The following ENKUR variants were observed in gnomAD, a reference collection of about 807,000 sequenced individuals.
The protein encoded by ENKUR is enkurin, TRPC channel interacting protein.
ENKUR carries 19 observed loss-of-function variants against 27.6 expected under a neutral mutation model. The observed-to-expected ratio is 0.69, with a 90% CI of 0.48 to 1.01. ENKUR has a LOEUF of 1.01. ENKUR is among the 50% of genes least tolerant of loss of function. The pLI, the probability that ENKUR is intolerant of heterozygous loss-of-function variation, is 0.00. For synonymous variants in ENKUR, 117 were observed against 96.9 expected, an observed-to-expected ratio of 1.21 and a Z score of -1.22; for missense variants, 312 against 310.5, an observed-to-expected ratio of 1.00 and a Z score of -0.04.
intron 2 of ENKUR, among the ~76,000 whole-genome samples, chr10:25,060,126 TGTCTGTAC>T (rs763644528): frequency 3.3e-5 from 5 of 152,180 alleles, no homozygotes; most frequent in Non-Finnish European, 7.3e-5. Context: ...GAAGCCGACC[TGTCTGTAC>T]GTCTGTACAA....
intron 2 of ENKUR, among the ~76,000 whole-genome samples, chr10:25,035,544 A>G (rs971910168): frequency 2.0e-5 from 3 of 150,440 alleles, no homozygotes; most frequent in African/African-American, 7.3e-5. Flanking sequence ...AACAAGAGCT[A>G]AACTCTGTCT....
At chr10:25,022,773 T>C (rs1156229736) in intron 2 of ENKUR, among the ~76,000 whole-genome samples, 1 of 152,200 alleles carries the variant, frequency 6.6e-6, no homozygotes, top group Non-Finnish European at 1.5e-5. Flanking sequence ...CCAAATCATC[T>C]TTATATGTGA....
At chr10:25,015,717 C>G (rs1850553104) in intron 1 of ENKUR, 143 bp downstream of exon 1, 1 of 737,030 alleles carries the variant, frequency 1.4e-6, no homozygotes, top group African/African-American at 1.8e-5. Flanking sequence ...GACCTTTTCT[C>G]TAACAAGTTA....
At chr10:25,050,149 G>A (rs1299299081) in intron 2 of ENKUR, among the ~76,000 whole-genome samples, 1 of 152,128 alleles carries the variant, frequency 6.6e-6, no homozygotes, top group Admixed American at 6.6e-5. Flanking sequence ...TCACCAAGGG[G>A]ATGGTGCCAA....
chr10:24,999,355 C>A, intron 2 of ENKUR, 46 bp downstream of exon 2: 1 of 1,537,698 alleles, frequency 6.5e-7, no homozygotes, highest in Non-Finnish European at 8.8e-7. Flanking sequence ...AGTTAAATCA[C>A]CTGCTAATGC....
Position 25,027,356 on chromosome 10 carries a change from T to TAAAAA in ENKUR, c.38-31488_38-31487insTTTTT, listed in dbSNP as rs1564352066. 5.1e-3 allele frequency among the ~76,000 whole-genome samples: 234 copies of TAAAAA among 45,710 alleles called. 30 individuals carry two copies. The highest frequency in any genetic ancestry group is 0.03 in the Middle Eastern group (2 of 66). 30.0% of individuals were successfully genotyped at this position (45,710 alleles called of 152,430 possible). A position where few individuals can be genotyped will look rare whatever the true frequency, so the allele number is the denominator to read the frequency against. On this transcript the variant is annotated intron_variant, in intron 2 of 5. Transcript: ENST00000615958. ...TGGGTGACAGAGCAAGACTCCCGTC[T>TAAAAA]CAAAAAAAAAAAAAAAAAAAAAAAA...
chr10:24,988,375 TG>T (rs1480293767), intron 4 of ENKUR, among the ~76,000 whole-genome samples: 3 of 145,600 alleles, frequency 2.1e-5, no homozygotes, highest in Non-Finnish European at 3.0e-5. Flanking sequence ...TATTTATATA[TG>T]TATATATGTG....
intron 2 of ENKUR, chr10:25,024,504 T>G: frequency 6.2e-7 from 1 of 1,614,076 alleles, no homozygotes. Flanking sequence ...AGAGAGAAAA[T>G]GGATGGGCAG....
At chr10:25,049,040 T>A (rs954379782) in intron 2 of ENKUR, among the ~76,000 whole-genome samples, 35 of 152,146 alleles carry the variant, frequency 2.3e-4, no homozygotes, top group African/African-American at 8.2e-4. Context: ...TCGTGATGCC[T>A]TTATTTTAAC....
At chr10:25,029,742 C>T (rs1850913576) in intron 2 of ENKUR, among the ~76,000 whole-genome samples, 1 of 152,130 alleles carries the variant, frequency 6.6e-6, no homozygotes. Context: ...CAAACAGTCT[C>T]CTTCAAAAAC....
At chr10:25,045,314 T>C (rs561456270) in intron 2 of ENKUR, among the ~76,000 whole-genome samples, 1 of 152,332 alleles carries the variant, frequency 6.6e-6, no homozygotes, top group Non-Finnish European at 1.5e-5. Context: ...ATATGACCCA[T>C]ACTGCCCTAT....
At chr10:25,012,554 G>C (rs1262104139) in intron 1 of ENKUR, among the ~76,000 whole-genome samples, 1 of 152,204 alleles carries the variant, frequency 6.6e-6, no homozygotes, top group African/African-American at 2.4e-5. Flanking sequence ...AGTCAAAGGA[G>C]ATCATTTTGG....
chr10:25,041,327 C>T (rs1851062175), intron 2 of ENKUR, among the ~76,000 whole-genome samples: 1 of 152,066 alleles, frequency 6.6e-6, no homozygotes, highest in African/African-American at 2.4e-5. Flanking sequence ...GTTTTCTGTG[C>T]CTTCTTTTCA....
At position 25,016,101 on chromosome 10, in the gene ENKUR, CCT is replaced by C; in HGVS notation, c.-167_-166del. On this transcript the variant is annotated 5_prime_UTR_variant, in exon 1 of 6. Coordinates refer to ENST00000331161, the MANE Select transcript of ENKUR (RefSeq NM_145010.4). ...CCCCCTTTAACCCCCTCTTAGCAGT[CCT>C]CTCTCGGGAAGAAAACACCCTATTT... 2 of 1,300,972 alleles carry C rather than the reference CCT, an allele frequency of 1.5e-6. No individual in the cohort carries two copies. Among genetic ancestry groups the C allele is most frequent in the Non-Finnish European group, 2.0e-6 (2 of 1,021,796 alleles). 80.6% of individuals were successfully genotyped at this position (1,300,972 alleles called of 1,614,324 possible). A position where few individuals can be genotyped will look rare whatever the true frequency, so the allele number is the denominator to read the frequency against.
At chr10:25,040,886 A>G (rs1851056846) in intron 2 of ENKUR, among the ~76,000 whole-genome samples, 1 of 152,232 alleles carries the variant, frequency 6.6e-6, no homozygotes, top group Non-Finnish European at 1.5e-5. Context: ...TCAGAAACAT[A>G]CATAAGTGCA....
At position 25,001,967 on chromosome 10, in the gene ENKUR, CTTCTTT is replaced by C. The variant is rs1461740316; in HGVS notation, c.78-2427_78-2422del. On this transcript the variant is annotated intron_variant, in intron 1 of 5. Transcript: ENST00000331161. ...ACATTGTTTGTTGCTGAATTTTTCTCTTCTTTTTCTCTTTCTGGTGTTCTTTAAATT... is the reference window on the plus strand; with the variant it reads ...ACATTGTTTGTTGCTGAATTTTTCTCTTCTCTTTCTGGTGTTCTTTAAATT... Among the ~76,000 whole-genome samples the C allele has an allele frequency of 2.6e-5, 4 of 152,208 alleles. No homozygotes were observed. In the South Asian group the frequency reaches 8.3e-4, roughly 32 times the overall value.
chr10:25,021,672 ACTAGT>A (rs1201739018), intron 2 of ENKUR: 2 of 152,164 alleles, frequency 1.3e-5, no homozygotes, highest in African/African-American at 4.8e-5. Flanking sequence ...CAAATAATAG[ACTAGT>A]CTATGTGTAG....
intron 2 of ENKUR, among the ~76,000 whole-genome samples, chr10:24,996,746 T>C (rs1207082265): frequency 6.6e-6 from 1 of 152,202 alleles, no homozygotes; most frequent in Admixed American, 6.5e-5. Flanking sequence ...ACTTTTATTA[T>C]CAGCAAAGCC....
Position 24,999,406 on chromosome 10 carries a change from G to A in ENKUR, c.218C>T (p.Pro73Leu), listed in dbSNP as rs1374366433. 3 of 1,606,190 alleles carry A rather than the reference G, an allele frequency of 1.9e-6. No individual in the cohort carries two copies. Among genetic ancestry groups the A allele is most frequent in the Admixed American group, 3.5e-5 (2 of 57,970 alleles). The part of the protein sequence containing the change: ...LKKHSKEKTL[P>L]PKKNFDRNVP... ...TAAAGCATGATAAAACCTACTGGGT[G>A]GTAGAGTTTTTTCCTTTGAATGTTT... The change falls in exon 2 of 6, where the codon CCA becomes CTA. Residue 73 changes from proline to leucine, a missense_variant. Coordinates refer to ENST00000331161, the MANE Select transcript of ENKUR (RefSeq NM_145010.4).
Sources: allele counts gnomAD v4.1 joint callset (sites outside exome capture counted in the v4.1 genomes callset), GRCh38; gene constraint gnomAD v4.1.1; transcripts MANE v1.5; gene names NCBI Gene and HGNC (gene_info 2026-07-23, HGNC 2026-07-21).